Variants in AGBL1 observed in about 807,000 individuals in gnomAD.
AGBL1 encodes AGBL carboxypeptidase 1.
AGBL1 carries 130 observed loss-of-function variants against 118.9 expected under a neutral mutation model. The observed-to-expected ratio is 1.09, with a 90% CI of 0.95 to 1.26. The LOEUF (loss-of-function observed/expected upper bound fraction) is 1.26. AGBL1 is among the 50% of genes most tolerant of loss of function. The pLI, the probability that AGBL1 is intolerant of heterozygous loss-of-function variation, is 0.00. For synonymous variants in AGBL1, 555 were observed against 478.9 expected (o/e 1.16, Z -2.08); for missense variants, 1,584 against 1,298.1 (o/e 1.22, Z -3.38).
chr15:87,009,468 GA>G (rs2081536298), intron 24 of AGBL1, among the ~76,000 whole-genome samples: 1 of 152,218 alleles, frequency 6.6e-6, no homozygotes, highest in Admixed American at 6.5e-5. Context: ...GCCTCATGGA[GA>G]ACCTCTGCTA....
intron 18 of AGBL1, among the ~76,000 whole-genome samples, chr15:86,455,087 A>T (rs1050010157): frequency 6.6e-6 from 1 of 152,136 alleles, no homozygotes; most frequent in East Asian, 1.9e-4. Flanking sequence ...GCTCTGATTC[A>T]AGACCTGATT....
In AGBL1 at chr15:86,704,767, C is replaced by A. The variant is rs552595344; in HGVS notation, c.3158+30331C>A. Among the ~76,000 whole-genome samples the A allele has an allele frequency of 9.2e-5, 14 of 152,312 alleles. No individual in the cohort carries two copies. In the East Asian group the frequency reaches 2.5e-3, roughly 27 times the overall value. On this transcript the variant is annotated intron_variant, in intron 22 of 22. Transcript: ENST00000614907. ...GAACCAGAAATACCATTTGACCCAACAATCCCATTACTGGGTATGTACCCA... is the reference window on the plus strand; with the variant it reads ...GAACCAGAAATACCATTTGACCCAAAAATCCCATTACTGGGTATGTACCCA...
chr15:86,973,106 A>T (rs1336086859), intron 23 of AGBL1, among the ~76,000 whole-genome samples: 1 of 152,004 alleles, frequency 6.6e-6, no homozygotes, highest in Non-Finnish European at 1.5e-5. Flanking sequence ...ACTGGTATGT[A>T]TTTGTGATGC....
chr15:86,255,362 C>T (rs2078878147), intron 7 of AGBL1, among the ~76,000 whole-genome samples: 1 of 152,212 alleles, frequency 6.6e-6, no homozygotes, highest in Non-Finnish European at 1.5e-5. Context: ...AATTCATTTT[C>T]CACCAAGAGT....
At chr15:86,466,431 T>A (rs1357572623) in intron 18 of AGBL1, among the ~76,000 whole-genome samples, 1 of 152,244 alleles carries the variant, frequency 6.6e-6, no homozygotes, top group East Asian at 1.9e-4. Context: ...TTGCATTGAA[T>A]TAGAACATGC....
intron 5 of AGBL1, among the ~76,000 whole-genome samples, chr15:86,212,985 T>G (rs1162393160): frequency 6.6e-6 from 1 of 152,128 alleles, no homozygotes; most frequent in African/African-American, 2.4e-5. Flanking sequence ...ATCATCTGAG[T>G]TTTAATGACG....
At chr15:86,137,337 C>A (rs72750276) in intron 1 of AGBL1, among the ~76,000 whole-genome samples, 6,868 of 152,220 alleles carry the variant, frequency 0.045, 230 homozygotes, top group South Asian at 0.085. Flanking sequence ...GTTTGTGAAA[C>A]CAACTTCTTT....
At chr15:87,023,303 G>A (rs1303091054) in intron 24 of AGBL1, among the ~76,000 whole-genome samples, 1 of 151,962 alleles carries the variant, frequency 6.6e-6, no homozygotes, top group Non-Finnish European at 1.5e-5. Context: ...TCATGCAAAC[G>A]GACAGCAAAA....
chr15:86,946,773 G>C (rs746199354), intron 23 of AGBL1, among the ~76,000 whole-genome samples: 12 of 150,994 alleles, frequency 7.9e-5, no homozygotes, highest in African/African-American at 2.4e-4. Flanking sequence ...GAACCCGGGA[G>C]GGGGAGGTTG....
intron 17 of AGBL1, among the ~76,000 whole-genome samples, chr15:86,369,919 G>A (rs1442094913): frequency 3.3e-5 from 5 of 152,046 alleles, no homozygotes; most frequent in African/African-American, 9.7e-5. Context: ...TTTCTAATTG[G>A]CATATATAGA....
chr15:86,469,478 T>A (rs976184783), intron 18 of AGBL1, among the ~76,000 whole-genome samples: 1 of 152,180 alleles, frequency 6.6e-6, no homozygotes, highest in Non-Finnish European at 1.5e-5. Context: ...TATCCATTCA[T>A]CTCTCCATGG....
intron 22 of AGBL1, among the ~76,000 whole-genome samples, chr15:86,841,603 T>G (rs2079245821): frequency 6.6e-6 from 1 of 152,166 alleles, no homozygotes; most frequent in South Asian, 2.1e-4. Context: ...CCCAGCACTT[T>G]TGGAGGCCGA....
intron 17 of AGBL1, among the ~76,000 whole-genome samples, chr15:86,326,741 A>G (rs1341888274): frequency 6.6e-6 from 1 of 152,128 alleles, no homozygotes; most frequent in Non-Finnish European, 1.5e-5. Flanking sequence ...ACCTTCTTAA[A>G]TATCTGTCTG....
intron 21 of AGBL1, among the ~76,000 whole-genome samples, chr15:86,598,989 T>G (rs867654627): frequency 2.0e-5 from 3 of 152,086 alleles, no homozygotes; most frequent in African/African-American, 7.2e-5. Context: ...GTGTATAATA[T>G]TCCAGCTTTG....
chr15:86,589,162 C>T (rs942742825), intron 21 of AGBL1, among the ~76,000 whole-genome samples: 6 of 151,940 alleles, frequency 3.9e-5, no homozygotes, highest in African/African-American at 7.3e-5. Flanking sequence ...TACTTAGTGC[C>T]GGATGAGATG....
chr15:86,703,293 C>A (rs75793094), intron 22 of AGBL1, among the ~76,000 whole-genome samples: 1 of 152,080 alleles, frequency 6.6e-6, no homozygotes, highest in East Asian at 1.9e-4. Context: ...ACTGGCTCTG[C>A]CTCTTAATGA....
At chr15:86,981,694 A>G (rs2081233178) in intron 23 of AGBL1, among the ~76,000 whole-genome samples, 1 of 152,074 alleles carries the variant, frequency 6.6e-6, no homozygotes, top group African/African-American at 2.4e-5. Context: ...TCCTTGCTTG[A>G]TTTAAATTGT....
intron 1 of AGBL1, among the ~76,000 whole-genome samples, chr15:86,086,617 T>C (rs997210958): frequency 6.6e-6 from 1 of 152,178 alleles, no homozygotes; most frequent in African/African-American, 2.4e-5. Context: ...TCTCCCTCCC[T>C]CCTTTCTTTC....
intron 18 of AGBL1, among the ~76,000 whole-genome samples, chr15:86,410,824 A>ATG (rs1434215542): frequency 1.8e-5 from 2 of 113,030 alleles, no homozygotes; most frequent in African/African-American, 7.2e-5. Context: ...ATATATATAT[A>ATG]TATATATATA....
Sources: allele counts gnomAD v4.1 joint callset (sites outside exome capture counted in the v4.1 genomes callset), GRCh38; gene constraint gnomAD v4.1.1; transcripts MANE v1.5; gene names NCBI Gene and HGNC (gene_info 2026-07-23, HGNC 2026-07-21).